Variants in QKI observed in about 807,000 individuals in gnomAD.
The protein encoded by QKI is KH domain-containing RNA-binding protein QKI.
Under a neutral mutation model 39.0 loss-of-function variants are expected in QKI, and 10 were observed. The observed-to-expected ratio is 0.26, with a 90% CI of 0.16 to 0.43. The LOEUF (loss-of-function observed/expected upper bound fraction) is 0.43, where lower values mean the gene tolerates loss of function less well. Ranked by LOEUF, QKI falls within the 20% of genes least tolerant of loss-of-function variation. The pLI, the probability that QKI is intolerant of heterozygous loss-of-function variation, is 1.00. For synonymous variants in QKI, 204 were observed against 155.4 expected (o/e 1.31, Z -2.33); for missense variants, 218 against 428.0 (o/e 0.51, Z 4.33).
chr6:163,567,608 C>T, intron 7 of QKI: 3 of 983,488 alleles, frequency 3.1e-6, no homozygotes, highest in Non-Finnish European at 3.6e-6. Flanking sequence ...CTGTATATGC[C>T]CTTGGACCCT....
chr6:163,517,238 T>C (rs1359848550), intron 3 of QKI, among the ~76,000 whole-genome samples: 1 of 152,178 alleles, frequency 6.6e-6, no homozygotes, highest in Non-Finnish European at 1.5e-5. Flanking sequence ...ACCCAGTTGG[T>C]GTTTGGAATA....
At chr6:163,550,326 A>G (rs1313408344) in intron 4 of QKI, among the ~76,000 whole-genome samples, 1 of 152,114 alleles carries the variant, frequency 6.6e-6, no homozygotes, top group Non-Finnish European at 1.5e-5. Flanking sequence ...TCTTCCTGTA[A>G]TAATCCATTA....
chr6:163,556,174 C>T (rs952351018), intron 4 of QKI, among the ~76,000 whole-genome samples: 9 of 152,186 alleles, frequency 5.9e-5, no homozygotes, highest in African/African-American at 1.9e-4. Context: ...GTATAAATTA[C>T]ATTAAACGTG....
intron 1 of QKI, among the ~76,000 whole-genome samples, chr6:163,443,604 A>G (rs2128215723): frequency 6.6e-6 from 1 of 152,320 alleles, no homozygotes; most frequent in South Asian, 2.1e-4. Flanking sequence ...TGGCTTTTTC[A>G]TAATATGAGA....
At chr6:163,451,641 T>A (rs907120658) in intron 1 of QKI, among the ~76,000 whole-genome samples, 2 of 152,168 alleles carry the variant, frequency 1.3e-5, no homozygotes, top group Non-Finnish European at 2.9e-5. Flanking sequence ...GGGGTTCATG[T>A]TGGGAGATTT....
At position 163,570,769 on chromosome 6, in the gene QKI, G is replaced by C. The variant is rs527298214; in HGVS notation, c.*59G>C. The C allele has an allele frequency of 2.0e-5, 32 of 1,599,398 alleles. No individual in the cohort carries two copies. In the South Asian group the frequency reaches 3.5e-4, roughly 18 times the overall value. ...AATGATGACCTGACCATGCCTGCCT[G>C]CTGATCAGTTAACTGGTAATCGCCT... On this transcript the variant is annotated 3_prime_UTR_variant, in exon 8 of 8. Transcript: ENST00000361752.
chr6:163,489,448 G>GTGTGTGTGT (rs758942666), intron 3 of QKI, among the ~76,000 whole-genome samples: 1 of 99,416 alleles, frequency 1.0e-5, no homozygotes, highest in Non-Finnish European at 2.3e-5. Context: ...GTGTGTGTGT[G>GTGTGTGTGT]TGTGTGTGTT....
rs1393355024 is a variant in QKI at position 163,451,048 on chromosome 6, A to G, written c.143-4231A>G. Among the ~76,000 whole-genome samples the G allele has an allele frequency of 2.0e-5, 3 of 152,220 alleles. No homozygotes were observed. In the East Asian group the frequency reaches 5.8e-4, roughly 29 times the overall value. On this transcript the variant is annotated intron_variant, in intron 1 of 7. Transcript: ENST00000361752. ...GGAGACTATTCATCCTTAAAGAATA[A>G]AGAATATCAGCTGATAGATTAATAT...
At chr6:163,478,259 A>T (rs1014966101) in intron 2 of QKI, among the ~76,000 whole-genome samples, 6 of 152,214 alleles carry the variant, frequency 3.9e-5, no homozygotes, top group African/African-American at 1.2e-4. Flanking sequence ...CTTAAGACAC[A>T]TTTAGTGTAG....
At chr6:163,491,495 T>A (rs1179749027) in intron 3 of QKI, among the ~76,000 whole-genome samples, 1 of 152,118 alleles carries the variant, frequency 6.6e-6, no homozygotes. Context: ...ATTTTTTTGC[T>A]CTGTGTTTAT....
At chr6:163,530,573 A>AT (rs1307639942) in intron 3 of QKI, among the ~76,000 whole-genome samples, 2 of 152,192 alleles carry the variant, frequency 1.3e-5, no homozygotes, top group Non-Finnish European at 2.9e-5. Context: ...CACTGAAGGA[A>AT]TTTAACTCTT....
chr6:163,485,870 T>C (rs1777636574), intron 3 of QKI, among the ~76,000 whole-genome samples: 1 of 152,204 alleles, frequency 6.6e-6, no homozygotes. Context: ...CTGGACCACA[T>C]TGGAAGATGA....
intron 4 of QKI, among the ~76,000 whole-genome samples, chr6:163,554,197 A>T (rs1782441035): frequency 6.6e-6 from 1 of 152,132 alleles, no homozygotes; most frequent in African/African-American, 2.4e-5. Flanking sequence ...CTGGTTCTAG[A>T]GGTGCTGGGA....
chr6:163,542,882 A>T (rs944743373), intron 4 of QKI, among the ~76,000 whole-genome samples: 1 of 152,052 alleles, frequency 6.6e-6, no homozygotes, highest in Non-Finnish European at 1.5e-5. Flanking sequence ...TGTCATCAGG[A>T]TTATTATGAC....
intron 7 of QKI, chr6:163,568,910 G>A (rs1376528155): frequency 2.0e-6 from 2 of 985,690 alleles, no homozygotes; most frequent in Non-Finnish European, 2.4e-6. Flanking sequence ...CCAAGACTTG[G>A]CAGAGGATGT....
chr6:163,423,264 G>C (rs1254506089), intron 1 of QKI: 2 of 152,234 alleles, frequency 1.3e-5, no homozygotes, highest in Admixed American at 1.3e-4. Context: ...CTCCAGCCTG[G>C]GTGACAGAGC....
At chr6:163,542,272 A>G (rs975026140) in intron 4 of QKI, among the ~76,000 whole-genome samples, 6 of 151,970 alleles carry the variant, frequency 3.9e-5, no homozygotes, top group Non-Finnish European at 7.4e-5. Context: ...TCATTCATCT[A>G]GTTGGAAAGT....
At chr6:163,533,137 C>CAA (rs538949181) in intron 3 of QKI, among the ~76,000 whole-genome samples, 1 of 135,836 alleles carries the variant, frequency 7.4e-6, no homozygotes, top group African/African-American at 2.7e-5. Context: ...GGTCTCTCTC[C>CAA]AAAAAAAAAA....
intron 4 of QKI, among the ~76,000 whole-genome samples, chr6:163,535,912 A>G (rs554934038): frequency 1.6e-4 from 25 of 152,290 alleles, no homozygotes; most frequent in Non-Finnish European, 3.1e-4. Context: ...AGCCTGGGTG[A>G]CAGAGTGAGA....
Sources: gnomAD v4.1 joint callset for allele counts (sites outside exome capture counted in the v4.1 genomes callset) on GRCh38, gnomAD v4.1.1 for gene constraint, MANE v1.5 for transcripts, NCBI Gene and HGNC (gene_info 2026-07-23, HGNC 2026-07-21) for gene names.